ST18: variants seen among roughly 807,000 people sequenced by gnomAD.
ST18 encodes suppression of tumorigenicity 18 protein.
Under a neutral mutation model 110.0 loss-of-function variants are expected in ST18, and 50 were observed. The ratio of observed to expected loss-of-function variants is 0.45; its 90% CI spans 0.36 to 0.58. The LOEUF is 0.58. ST18 is among the 20% of genes least tolerant of loss of function. The pLI, the probability that ST18 is intolerant of heterozygous loss-of-function variation, is 0.00. For synonymous variants in ST18, 461 were observed against 452.4 expected, an observed-to-expected ratio of 1.02 and a Z score of -0.24; for missense variants, 1,306 against 1,280.1, an observed-to-expected ratio of 1.02 and a Z score of -0.31.
intron 21 of ST18, among the ~76,000 whole-genome samples, 164 bp downstream of exon 21, chr8:52,132,893 T>C (rs1057411936): frequency 5.9e-5 from 9 of 152,170 alleles, no homozygotes; most frequent in African/African-American, 9.7e-5. Flanking sequence ...TAGATATAAA[T>C]TGGAAACTTT....
At chr8:52,316,418 T>C (rs2096027404) in intron 2 of ST18, among the ~76,000 whole-genome samples, 1 of 152,242 alleles carries the variant, frequency 6.6e-6, no homozygotes, top group Non-Finnish European at 1.5e-5. Context: ...CCTGTGACAT[T>C]AGCAAACTTT....
At position 52,212,122 on chromosome 8, in the gene ST18, GA is replaced by G; in HGVS notation, c.56-14del. 3 of 1,591,878 alleles carry G rather than the reference GA, an allele frequency of 1.9e-6. No homozygotes were observed. The highest frequency in any genetic ancestry group is 2.6e-6 in the Non-Finnish European group (3 of 1,174,640). On this transcript the variant is annotated splice_polypyrimidine_tract_variant and intron_variant, in intron 7 of 25. Transcript: ENST00000689386. ...GAATCCATTGGCACTGTTGACAAAA[GA>G]AGAAAAAAAAGAAGACTTAATCAGT...
chr8:52,142,991 C>G lies in ST18; in HGVS notation c.2107G>C (p.Ala703Pro). 6 of 1,614,032 alleles carry G rather than the reference C, an allele frequency of 3.7e-6. No individual in the cohort carries two copies. Among genetic ancestry groups the G allele is most frequent in the Non-Finnish European group, 5.1e-6 (6 of 1,179,996 alleles). Residue 703 changes from alanine to proline, a missense_variant, in exon 17 of 26, where the codon GCC (alanine) becomes CCC (proline). Ala to Pro is a conservative substitution (Grantham distance 27). Coordinates refer to ENST00000689386, the MANE Select transcript of ST18 (RefSeq NM_001352837.2). ...NLEEKKFPGEASIPSPKPKLH... is the reference protein window; with the variant it reads ...NLEEKKFPGEPSIPSPKPKLH... ...TTGGGTTTAGGGCTTGGTATAGAGG[C>G]CTCTCCAGGAAACTTTTTTTCCTCT...
At chr8:52,253,633 T>G (rs929506550) in intron 2 of ST18, among the ~76,000 whole-genome samples, 1 of 152,164 alleles carries the variant, frequency 6.6e-6, no homozygotes, top group African/African-American at 2.4e-5. Context: ...ATAAAACATC[T>G]TTTTAATATT....
At chr8:52,349,978 G>A (rs1444296936) in intron 2 of ST18, among the ~76,000 whole-genome samples, 1 of 152,124 alleles carries the variant, frequency 6.6e-6, no homozygotes, top group East Asian at 1.9e-4. Flanking sequence ...GAGAAACAGA[G>A]GGATCAGGAA....
In ST18 at chr8:52,171,968, T is replaced by C. The variant is rs773799178; in HGVS notation, c.893A>G (p.Lys298Arg). Residue 298 changes from lysine (K) to arginine (R), a missense_variant, in exon 10 of 26, where the codon AAG (lysine) becomes AGG (arginine). Lys to Arg is a conservative substitution (Grantham distance 26). Coordinates refer to ENST00000689386, the MANE Select transcript of ST18 (RefSeq NM_001352837.2). ...VMTEEGSDLEKAKGNLSLLEQ... is the reference protein window; with the variant it reads ...VMTEEGSDLERAKGNLSLLEQ... ...CAGCAAACTTAAATTCCCCTTGGCC[T>C]TTTCCAGGTCACTACCCTCTTCCGT... 3 of 1,614,174 alleles carry C rather than the reference T, an allele frequency of 1.9e-6. No individual in the cohort carries two copies. The highest frequency in any genetic ancestry group is 2.5e-6 in the Non-Finnish European group (3 of 1,180,022).
chr8:52,316,066 A>G (rs2096019513), intron 2 of ST18, among the ~76,000 whole-genome samples: 1 of 152,230 alleles, frequency 6.6e-6, no homozygotes, highest in African/African-American at 2.4e-5. Context: ...AAAGGTATCA[A>G]TTGTGCATAT....
intron 2 of ST18, among the ~76,000 whole-genome samples, chr8:52,340,637 A>T: frequency 6.6e-6 from 1 of 152,204 alleles, no homozygotes; most frequent in East Asian, 1.9e-4. Flanking sequence ...TAAAAAATAA[A>T]AATTTCTCCA....
chr8:52,357,032 T>C (rs938506531), intron 2 of ST18, among the ~76,000 whole-genome samples: 74 of 152,090 alleles, frequency 4.9e-4, no homozygotes, highest in Non-Finnish European at 8.7e-4. Flanking sequence ...TATTTACCTA[T>C]GTAACAAACC....
intron 2 of ST18, among the ~76,000 whole-genome samples, chr8:52,401,111 G>A (rs1196190283): frequency 1.3e-5 from 2 of 152,066 alleles, no homozygotes; most frequent in African/African-American, 4.8e-5. Context: ...TTGGCTGACA[G>A]GTTTTTTTTC....
intron 2 of ST18, among the ~76,000 whole-genome samples, chr8:52,231,430 ATATG>A (rs948419176): frequency 6.6e-5 from 10 of 151,838 alleles, no homozygotes; most frequent in African/African-American, 2.4e-4. Flanking sequence ...CTAAATCTTA[ATATG>A]TTGTAACAGT....
At position 52,178,770 on chromosome 8, in the gene ST18, C is replaced by T. The variant is rs956016028; in HGVS notation, c.277+1352G>A. Among the ~76,000 whole-genome samples the T allele has an allele frequency of 5.3e-5, 8 of 151,564 alleles. No homozygotes were observed. The South Asian group carries it at 1.3e-3, about 24-fold the overall frequency. ...AGGGTGATTATAATTTACAGATGAG[C>T]TATGAGGCTTTAAATCACATGCTAA... On this transcript the variant is annotated intron_variant, in intron 9 of 25. Transcript: ENST00000689386.
intron 2 of ST18, among the ~76,000 whole-genome samples, chr8:52,247,057 C>G (rs932149641): frequency 6.6e-6 from 1 of 152,128 alleles, no homozygotes; most frequent in Non-Finnish European, 1.5e-5. Context: ...CTCTAGGAAG[C>G]ATTTTATAGC....
At chr8:52,225,896 T>C (rs982131103) in intron 3 of ST18, among the ~76,000 whole-genome samples, 3 of 152,226 alleles carry the variant, frequency 2.0e-5, no homozygotes, top group Non-Finnish European at 2.9e-5. Flanking sequence ...GGTAAAAGCA[T>C]AATCATAGCT....
At position 52,206,935 on chromosome 8, in the gene ST18, C is replaced by T. The variant is rs183850444; in HGVS notation, c.86+5144G>A. ...TCCTTTTACCTGGCTGATGGACTTACGGAAGACTTACTATTAGAAATCAGT... is the reference window on the plus strand; with the variant it reads ...TCCTTTTACCTGGCTGATGGACTTATGGAAGACTTACTATTAGAAATCAGT... On this transcript the variant is annotated intron_variant, in intron 8 of 25. Coordinates refer to ENST00000689386, the MANE Select transcript of ST18 (RefSeq NM_001352837.2). Among the ~76,000 whole-genome samples, 370 of 152,220 alleles carry T rather than the reference C, an allele frequency of 2.4e-3. 4 individuals carry two copies. Among genetic ancestry groups the T allele is most frequent in the South Asian group, 6.2e-4 (3 of 4,822 alleles).
intron 3 of ST18, among the ~76,000 whole-genome samples, chr8:52,227,342 T>C (rs1287677061): frequency 2.0e-5 from 3 of 152,136 alleles, no homozygotes; most frequent in Non-Finnish European, 2.9e-5. Context: ...AACCAGGAAG[T>C]TGAATATTAC....
intron 2 of ST18, among the ~76,000 whole-genome samples, chr8:52,370,877 A>G (rs538785302): frequency 4.1e-4 from 63 of 152,338 alleles, no homozygotes; most frequent in Admixed American, 1.0e-3. Context: ...GTGTACTGAA[A>G]TAAGCCAACT....
At chr8:52,403,103 C>T (rs751358915) in intron 2 of ST18, among the ~76,000 whole-genome samples, 1 of 152,070 alleles carries the variant, frequency 6.6e-6, no homozygotes, top group Non-Finnish European at 1.5e-5. Flanking sequence ...GGCTGGGGCA[C>T]AGTAGCAACT....
chr8:52,127,977 T>C lies in ST18; in HGVS notation c.2667-1837A>G, dbSNP rs192411729. Among the ~76,000 whole-genome samples the C allele has an allele frequency of 4.9e-3, 643 of 131,176 alleles. 5 individuals carry two copies. Among genetic ancestry groups the C allele is most frequent in the Admixed American group, 0.024 (336 of 14,012 alleles). 86.1% of individuals were successfully genotyped at this position (131,176 alleles called of 152,430 possible). Reference sequence around the variant, plus strand: ...ATTCTATTATGACATATTAAGGGATTTTTTTTTTTTGAGGCGGGGTCTCAC... The same window carrying C: ...ATTCTATTATGACATATTAAGGGATCTTTTTTTTTTGAGGCGGGGTCTCAC... On this transcript the variant is annotated intron_variant, in intron 22 of 25. Coordinates refer to ENST00000689386, the MANE Select transcript of ST18 (RefSeq NM_001352837.2).
Sources: allele counts gnomAD v4.1 joint callset (sites outside exome capture counted in the v4.1 genomes callset), GRCh38; gene constraint gnomAD v4.1.1; transcripts MANE v1.5; gene names NCBI Gene and HGNC (gene_info 2026-07-23, HGNC 2026-07-21).